SLC10A7: variants seen among roughly 807,000 people sequenced by gnomAD.
SLC10A7 encodes sodium/bile acid cotransporter 7.
SLC10A7 carries 29 observed loss-of-function variants against 43.2 expected under a neutral mutation model. The ratio of observed to expected loss-of-function variants is 0.67; its 90% CI spans 0.50 to 0.92. The LOEUF is 0.92. Ranked by LOEUF, SLC10A7 falls within the 40% of genes least tolerant of loss-of-function variation. The pLI, the probability that SLC10A7 is intolerant of heterozygous loss-of-function variation, is 0.00. For missense variants in SLC10A7, 295 were observed against 403.2 expected, an observed-to-expected ratio of 0.73 and a Z score of 2.30; for synonymous variants, 152 against 144.8, an observed-to-expected ratio of 1.05 and a Z score of -0.35.
At chr4:146,460,268 C>T (rs962452341) in intron 4 of SLC10A7, among the ~76,000 whole-genome samples, 14 of 151,966 alleles carry the variant, frequency 9.2e-5, no homozygotes, top group Middle Eastern at 3.4e-3. Context: ...AAGCCACTGT[C>T]GAAAACAAAG....
chr4:146,345,835 A>G (rs1175485875), intron 5 of SLC10A7, among the ~76,000 whole-genome samples: 3 of 152,134 alleles, frequency 2.0e-5, no homozygotes, highest in Admixed American at 6.6e-5. Flanking sequence ...TAAATACATG[A>G]ATAATAGGTA....
intron 10 of SLC10A7, among the ~76,000 whole-genome samples, chr4:146,265,881 A>C (rs1437913140): frequency 6.6e-6 from 1 of 152,216 alleles, no homozygotes; most frequent in Non-Finnish European, 1.5e-5. Context: ...ATTCAAAATG[A>C]GTACTGAAGT....
intron 5 of SLC10A7, among the ~76,000 whole-genome samples, chr4:146,354,242 C>T (rs367846467): frequency 1.3e-4 from 20 of 149,066 alleles, no homozygotes; most frequent in South Asian, 2.1e-4. Context: ...TATACACCAA[C>T]AACAGACAAA....
chr4:146,520,387 A>G (rs1202035636), intron 1 of SLC10A7, among the ~76,000 whole-genome samples: 2 of 152,344 alleles, frequency 1.3e-5, no homozygotes, highest in East Asian at 3.9e-4. Flanking sequence ...ACCAGGAATA[A>G]CTGCTTTATT....
At chr4:146,383,661 C>A (rs1737794137) in intron 5 of SLC10A7, among the ~76,000 whole-genome samples, 1 of 152,258 alleles carries the variant, frequency 6.6e-6, no homozygotes, top group South Asian at 2.1e-4. Context: ...AAACTTCCAA[C>A]AGCCTGGACA....
chr4:146,319,142 T>C (rs911354601), intron 6 of SLC10A7, among the ~76,000 whole-genome samples: 1 of 152,040 alleles, frequency 6.6e-6, no homozygotes, highest in Non-Finnish European at 1.5e-5. Flanking sequence ...AAATTCCAAG[T>C]CCTTACAAAG....
chr4:146,292,534 C>T (rs1560770258), intron 9 of SLC10A7, among the ~76,000 whole-genome samples: 1 of 152,114 alleles, frequency 6.6e-6, no homozygotes, highest in Non-Finnish European at 1.5e-5. Context: ...AACATGACTC[C>T]ATTTTGAATA....
chr4:146,405,237 C>T (rs1389636941), intron 5 of SLC10A7, among the ~76,000 whole-genome samples: 2 of 152,138 alleles, frequency 1.3e-5, no homozygotes, highest in Non-Finnish European at 1.5e-5. Flanking sequence ...CCATCTTGGT[C>T]CATATTCATC....
chr4:146,409,007 A>G (rs1727939803), intron 5 of SLC10A7, among the ~76,000 whole-genome samples: 1 of 152,190 alleles, frequency 6.6e-6, no homozygotes, highest in African/African-American at 2.4e-5. Flanking sequence ...CAAGGGTTAT[A>G]GTTATTAAAA....
chr4:146,344,631 C>T (rs1360727107), intron 5 of SLC10A7, among the ~76,000 whole-genome samples: 2 of 151,888 alleles, frequency 1.3e-5, no homozygotes, highest in Non-Finnish European at 2.9e-5. Flanking sequence ...ACATTATTTG[C>T]CTTTTTACTC....
chr4:146,474,427 A>C (rs1733862705), intron 4 of SLC10A7, among the ~76,000 whole-genome samples: 1 of 152,160 alleles, frequency 6.6e-6, no homozygotes, highest in Non-Finnish European at 1.5e-5. Flanking sequence ...ATTAACAAAC[A>C]ATCAACAGCA....
chr4:146,382,468 A>G (rs1737698430), intron 5 of SLC10A7, among the ~76,000 whole-genome samples: 6 of 152,160 alleles, frequency 3.9e-5, no homozygotes, highest in Admixed American at 3.9e-4. Flanking sequence ...TTGTATCTTT[A>G]ATAACGAGTA....
At chr4:146,400,079 A>C (rs1739122560) in intron 5 of SLC10A7, among the ~76,000 whole-genome samples, 1 of 152,160 alleles carries the variant, frequency 6.6e-6, no homozygotes, top group Non-Finnish European at 1.5e-5. Flanking sequence ...GGAATTGAGA[A>C]GGGGAGCAGT....
chr4:146,480,175 A>G (rs968910081), intron 4 of SLC10A7, among the ~76,000 whole-genome samples: 1 of 152,150 alleles, frequency 6.6e-6, no homozygotes, highest in Admixed American at 6.5e-5. Flanking sequence ...TAATATAACT[A>G]TTAAGTTATA....
At chr4:146,443,809 C>T (rs1466062505) in intron 4 of SLC10A7, among the ~76,000 whole-genome samples, 3 of 152,200 alleles carry the variant, frequency 2.0e-5, no homozygotes, top group Non-Finnish European at 4.4e-5. Flanking sequence ...TAATGAGATC[C>T]TCGGCTCCAG....
chr4:146,401,868 G>A (rs1324626109), intron 5 of SLC10A7, among the ~76,000 whole-genome samples: 1 of 152,000 alleles, frequency 6.6e-6, no homozygotes, highest in Non-Finnish European at 1.5e-5. Flanking sequence ...AGTTTTCATA[G>A]GTCATCTAAG....
intron 5 of SLC10A7, among the ~76,000 whole-genome samples, chr4:146,433,538 A>C (rs1187235624): frequency 6.6e-6 from 1 of 152,134 alleles, no homozygotes; most frequent in African/African-American, 2.4e-5. Context: ...ATGAGGACAG[A>C]GGGAAATAAA....
chr4:146,351,723 C>G (rs1021090325), intron 5 of SLC10A7, among the ~76,000 whole-genome samples: 1 of 148,298 alleles, frequency 6.7e-6, no homozygotes, highest in African/African-American at 2.5e-5. Context: ...AGAGTGGGGG[C>G]CAATATTCAA....
At position 146,305,967 on chromosome 4, in the gene SLC10A7, G is replaced by A. The variant is rs1376082145; in HGVS notation, c.514C>T (p.Gln172Ter). 3.7e-6 allele frequency: 6 copies of A among 1,610,038 alleles called. No homozygotes were observed. The highest frequency in any genetic ancestry group is 5.1e-6 in the Non-Finnish European group (6 of 1,178,414). ...GGAACCACAACAGTCATAAAAAGCT[G>A]AGAAAAAATAGATGTGAAAGGCACA... ...SSVPFTSIFSQLFMTVVVPLI... is the reference protein window; with the variant it reads ...SSVPFTSIFS The change falls in exon 7 of 12, where the codon CAG becomes TAG. Residue 172 changes from glutamine (Q) to a stop codon, truncating the protein, a stop_gained. Transcript: ENST00000335472. LOFTEE classifies it high-confidence loss of function.
Sources: gnomAD v4.1 joint callset for allele counts (sites outside exome capture counted in the v4.1 genomes callset) on GRCh38, gnomAD v4.1.1 for gene constraint, MANE v1.5 for transcripts, NCBI Gene and HGNC (gene_info 2026-07-23, HGNC 2026-07-21) for gene names.